B3GALT1: variants seen among roughly 807,000 people sequenced by gnomAD.
B3GALT1 encodes the protein UDP-Gal:betaGlcNAc beta 1,3-galactosyltransferase, polypeptide 1.
Under a neutral mutation model 23.2 loss-of-function variants are expected in B3GALT1, and 10 were observed. The observed-to-expected ratio is 0.43, with a 90% CI of 0.27 to 0.73. B3GALT1 has a LOEUF of 0.73. B3GALT1 is among the 30% of genes least tolerant of loss of function. The pLI, the probability that B3GALT1 is intolerant of heterozygous loss-of-function variation, is 0.21. For missense variants in B3GALT1, 299 were observed against 405.4 expected (o/e 0.74, Z 2.25); for synonymous variants, 156 against 141.5 (o/e 1.10, Z -0.73).
intron 2 of B3GALT1, among the ~76,000 whole-genome samples, chr2:167,609,877 A>G (rs1685028566): frequency 6.6e-6 from 1 of 152,142 alleles, no homozygotes; most frequent in African/African-American, 2.4e-5. Context: ...GAAGAGAATA[A>G]AGAAATAGAT....
chr2:167,362,974 G>A (rs1384936964), intron 1 of B3GALT1, among the ~76,000 whole-genome samples: 1 of 152,078 alleles, frequency 6.6e-6, no homozygotes, highest in East Asian at 1.9e-4. Flanking sequence ...TCTTGCCTCA[G>A]CCTCTGAAGT....
chr2:167,688,917 T>C (rs978674325), intron 3 of B3GALT1, among the ~76,000 whole-genome samples: 4 of 152,120 alleles, frequency 2.6e-5, no homozygotes, highest in Non-Finnish European at 4.4e-5. Context: ...GTATTTACTA[T>C]GTGTGTATGT....
intron 3 of B3GALT1, among the ~76,000 whole-genome samples, chr2:167,772,350 A>G (rs142694700): frequency 1.3e-5 from 2 of 152,256 alleles, no homozygotes; most frequent in East Asian, 1.9e-4. Context: ...TGTATTATCT[A>G]ATTTAGTTCT....
intron 4 of B3GALT1, among the ~76,000 whole-genome samples, chr2:167,845,384 C>T (rs759054440): frequency 2.0e-5 from 3 of 152,188 alleles, no homozygotes; most frequent in Non-Finnish European, 4.4e-5. Flanking sequence ...CTGGTATCCA[C>T]GTCTGGAAGG....
chr2:167,755,125 G>A (rs1050423125), intron 3 of B3GALT1, among the ~76,000 whole-genome samples: 3 of 152,074 alleles, frequency 2.0e-5, no homozygotes, highest in Admixed American at 6.5e-5. Flanking sequence ...TTCAAAATTC[G>A]AAGCATAGTT....
intron 2 of B3GALT1, among the ~76,000 whole-genome samples, chr2:167,545,464 A>T (rs985499617): frequency 6.6e-6 from 1 of 152,152 alleles, no homozygotes; most frequent in Non-Finnish European, 1.5e-5. Context: ...ATCAGGCTGC[A>T]GCTAGAGCTT....
At chr2:167,564,544 C>A (rs1417948708) in intron 2 of B3GALT1, among the ~76,000 whole-genome samples, 1 of 152,196 alleles carries the variant, frequency 6.6e-6, no homozygotes. Flanking sequence ...CGAGCCGAGA[C>A]CACGCCACTG....
chr2:167,776,732 G>A (rs1221284227), intron 3 of B3GALT1, among the ~76,000 whole-genome samples: 1 of 152,210 alleles, frequency 6.6e-6, no homozygotes, highest in African/African-American at 2.4e-5. Flanking sequence ...TAACTTCAGT[G>A]TCTGTTTTTT....
chr2:167,376,966 G>A (rs1284596442), intron 1 of B3GALT1, among the ~76,000 whole-genome samples: 14 of 152,052 alleles, frequency 9.2e-5, no homozygotes, highest in Admixed American at 9.2e-4. Context: ...ACTTTTTGAG[G>A]TAGGCACTTA....
intron 1 of B3GALT1, among the ~76,000 whole-genome samples, chr2:167,378,152 G>T (rs1176250156): frequency 4.6e-5 from 7 of 152,138 alleles, no homozygotes. Flanking sequence ...ATAGGTCCTT[G>T]ATCTCTCTTG....
chr2:167,724,999 G>T (rs932785869), intron 3 of B3GALT1, among the ~76,000 whole-genome samples: 1 of 152,146 alleles, frequency 6.6e-6, no homozygotes. Flanking sequence ...ATTCAGAAAT[G>T]ACAATGAGAC....
At position 167,389,925 on chromosome 2, in the gene B3GALT1, C is replaced by G. The variant is rs1871178; in HGVS notation, c.-511+96591C>G. On this transcript the variant is annotated intron_variant, in intron 1 of 4. Transcript: ENST00000392690. ...TACCCTGTCCAAAAAAAAAAAAAAA[C>G]AAAAAAAAAAAAGAAAGAAAAGAAA... Among the ~76,000 whole-genome samples the G allele has an allele frequency of 3.9e-3, 410 of 105,466 alleles. 1 individual carries two copies. The highest frequency in any genetic ancestry group is 0.013 in the African/African-American group (388 of 29,686). The allele number at this position is 105,466 out of a possible 152,430, so 69.2% of individuals were successfully genotyped here.
chr2:167,822,195 A>C (rs1689121151), intron 4 of B3GALT1, among the ~76,000 whole-genome samples: 1 of 152,148 alleles, frequency 6.6e-6, no homozygotes, highest in Non-Finnish European at 1.5e-5. Flanking sequence ...AAATGGCCAA[A>C]TCTCACATTC....
chr2:167,335,777 CA>C (rs1156460249), intron 1 of B3GALT1, among the ~76,000 whole-genome samples: 1 of 152,132 alleles, frequency 6.6e-6, no homozygotes, highest in Admixed American at 6.6e-5. Context: ...TTCTTTACTG[CA>C]ACCTGTTTTA....
At chr2:167,762,925 A>G (rs560101357) in intron 3 of B3GALT1, among the ~76,000 whole-genome samples, 1 of 152,336 alleles carries the variant, frequency 6.6e-6, no homozygotes, top group East Asian at 1.9e-4. Flanking sequence ...CACAAAAAGA[A>G]TTCTGTTAGA....
intron 3 of B3GALT1, among the ~76,000 whole-genome samples, chr2:167,675,189 G>T (rs1686402347): frequency 1.3e-5 from 2 of 152,016 alleles, no homozygotes; most frequent in African/African-American, 4.8e-5. Flanking sequence ...GCCTCTACTT[G>T]GAAACGTTAA....
intron 1 of B3GALT1, among the ~76,000 whole-genome samples, chr2:167,472,821 A>G (rs1699435866): frequency 6.6e-6 from 1 of 152,132 alleles, no homozygotes. Context: ...AAACATGGTG[A>G]AAAATGGCAA....
chr2:167,805,269 C>T lies in B3GALT1; in HGVS notation c.-351-13403C>T, dbSNP rs1010213347. ...TAGATTGCAAAAATTTTCTCCCATTCTGTAGGTTGCCTGTTCACTCTGATG... is the reference window on the plus strand; with the variant it reads ...TAGATTGCAAAAATTTTCTCCCATTTTGTAGGTTGCCTGTTCACTCTGATG... On this transcript the variant is annotated intron_variant, in intron 3 of 4. Transcript: ENST00000392690. 5.3e-5 allele frequency among the ~76,000 whole-genome samples: 8 copies of T among 152,162 alleles called. No individual in the cohort carries two copies. In the South Asian group the frequency reaches 6.2e-4, roughly 12 times the overall value.
At chr2:167,372,410 A>G (rs1697700546) in intron 1 of B3GALT1, among the ~76,000 whole-genome samples, 1 of 152,116 alleles carries the variant, frequency 6.6e-6, no homozygotes, top group African/African-American at 2.4e-5. Context: ...AGGATGGTGA[A>G]CTATTAGATG....
Sources: allele counts gnomAD v4.1 joint callset (sites outside exome capture counted in the v4.1 genomes callset), GRCh38; gene constraint gnomAD v4.1.1; transcripts MANE v1.5; gene names NCBI Gene and HGNC (gene_info 2026-07-23, HGNC 2026-07-21).